The following CPEB3 variants were observed in gnomAD, a reference collection of about 807,000 sequenced individuals.
CPEB3 encodes cytoplasmic polyadenylation element-binding protein 3.
A neutral mutation model predicts 67.2 loss-of-function variants in CPEB3; 20 were observed. That is an observed-to-expected ratio of 0.30 (90% CI 0.21 to 0.43). The LOEUF (loss-of-function observed/expected upper bound fraction) is 0.43, where lower values mean the gene tolerates loss of function less well. Ranked by LOEUF, CPEB3 falls within the 20% of genes least tolerant of loss-of-function variation. The pLI, the probability that CPEB3 is intolerant of heterozygous loss-of-function variation, is 1.00. For synonymous variants in CPEB3, 376 were observed against 393.1 expected (o/e 0.96, Z 0.51); for missense variants, 746 against 968.6 (o/e 0.77, Z 3.05).
At chr10:92,061,437 A>AC (rs1380672239) in intron 9 of CPEB3, among the ~76,000 whole-genome samples, 1 of 120,104 alleles carries the variant, frequency 8.3e-6, no homozygotes. Flanking sequence ...AAAAAAAAAA[A>AC]AAAAAACATA....
intron 1 of CPEB3, among the ~76,000 whole-genome samples, chr10:92,253,415 G>A (rs1344410384): frequency 1.2e-4 from 15 of 125,072 alleles, no homozygotes; most frequent in Admixed American, 9.2e-4. Flanking sequence ...AGCCGAGATC[G>A]CACCACCGCA....
intron 1 of CPEB3, among the ~76,000 whole-genome samples, chr10:92,266,891 G>T (rs563276636): frequency 6.6e-6 from 1 of 152,010 alleles, no homozygotes; most frequent in Non-Finnish European, 1.5e-5. Flanking sequence ...AAAATTAGCC[G>T]GGCGTGGTGG....
At chr10:92,270,160 C>A (rs1853242987) in intron 1 of CPEB3, among the ~76,000 whole-genome samples, 1 of 152,128 alleles carries the variant, frequency 6.6e-6, no homozygotes, top group Admixed American at 6.6e-5. Context: ...TCCTCTATCT[C>A]TTATGGACAT....
chr10:92,193,882 C>T (rs1483137514), intron 2 of CPEB3, among the ~76,000 whole-genome samples: 1 of 151,082 alleles, frequency 6.6e-6, no homozygotes, highest in South Asian at 2.1e-4. Flanking sequence ...CTGCAAGCTC[C>T]GCCTCCTGGG....
At chr10:92,223,567 CTTTT>C (rs903904452) in intron 2 of CPEB3, among the ~76,000 whole-genome samples, 3 of 84,146 alleles carry the variant, frequency 3.6e-5, no homozygotes, top group Non-Finnish European at 7.4e-5. Flanking sequence ...CTAATTATTT[CTTTT>C]TTTTTTTTTT....
At chr10:92,216,383 T>C (rs1346218235) in intron 2 of CPEB3, 5 of 1,611,768 alleles carry the variant, frequency 3.1e-6, no homozygotes, top group Non-Finnish European at 4.2e-6. Context: ...GGCGGAGGTG[T>C]GTTCCGGGGA....
chr10:92,160,993 G>A (rs1360052469), intron 4 of CPEB3, among the ~76,000 whole-genome samples: 3 of 152,040 alleles, frequency 2.0e-5, no homozygotes, highest in Non-Finnish European at 2.9e-5. Context: ...GGGCTCAAGC[G>A]ATTCTCCCAC....
intron 1 of CPEB3, among the ~76,000 whole-genome samples, chr10:92,254,804 A>C (rs1402677842): frequency 6.6e-6 from 1 of 152,014 alleles, no homozygotes; most frequent in Non-Finnish European, 1.5e-5. Flanking sequence ...GACTACCGGC[A>C]TATACCACCA....
chr10:92,216,099 T>A lies in CPEB3; in HGVS notation c.1005+23247A>T, dbSNP rs183470009. On this transcript the variant is annotated intron_variant, in intron 2 of 9. Transcript: ENST00000265997. ...GATATCAGATACTCTCTAAATCCTA[T>A]GAAACCTGAACTAGAACATCAGAAT... Among the ~76,000 whole-genome samples, 1,207 of 148,388 alleles carry A rather than the reference T, an allele frequency of 8.1e-3. 14 individuals carry two copies. Among genetic ancestry groups the A allele is most frequent in the Non-Finnish European group, 0.011 (744 of 67,398 alleles).
intron 3 of CPEB3, among the ~76,000 whole-genome samples, chr10:92,184,765 G>C (rs1029362056): frequency 6.6e-6 from 1 of 152,002 alleles, no homozygotes; most frequent in African/African-American, 2.4e-5. Flanking sequence ...TCTTCCAAAA[G>C]TAATTTTTAG....
intron 7 of CPEB3, among the ~76,000 whole-genome samples, chr10:92,092,681 G>C (rs938983842): frequency 5.3e-5 from 8 of 152,050 alleles, no homozygotes; most frequent in African/African-American, 1.9e-4. Context: ...TCAGGAGGCT[G>C]AGGCATGAGA....
intron 7 of CPEB3, 89 bp from the exon 8 acceptor site, chr10:92,092,033 T>C: frequency 1.2e-6 from 1 of 811,142 alleles, no homozygotes; most frequent in Non-Finnish European, 2.1e-6. Flanking sequence ...CACTGATTTG[T>C]GCATTTCACA....
At chr10:92,122,466 C>A (rs1226802491) in intron 6 of CPEB3, among the ~76,000 whole-genome samples, 1 of 152,192 alleles carries the variant, frequency 6.6e-6, no homozygotes, top group Non-Finnish European at 1.5e-5. Context: ...AACTGGATCT[C>A]TTATTCATTT....
rs1842839115 is a variant in CPEB3 at position 92,290,911 on chromosome 10, G to C, written c.-12+15C>G. ...CAAGAGCGGAGGCAAAAACAAACAG[G>C]CAGGGAGGGCTGACCTTGTTGCTAC... On this transcript the variant is annotated intron_variant, in intron 1 of 9. Coordinates refer to ENST00000265997, the MANE Select transcript of CPEB3 (RefSeq NM_014912.5). 6.5e-6 allele frequency: 1 copy of C among 154,226 alleles called. No individual in the cohort carries two copies. Among genetic ancestry groups the C allele is most frequent in the Admixed American group, 6.5e-5 (1 of 15,282 alleles). 9.6% of individuals were successfully genotyped at this position (154,226 alleles called of 1,614,324 possible). A position where few individuals can be genotyped will look rare whatever the true frequency, so the allele number is the denominator to read the frequency against.
intron 2 of CPEB3, among the ~76,000 whole-genome samples, chr10:92,218,614 C>A (rs1215909681): frequency 6.6e-6 from 1 of 152,170 alleles, no homozygotes; most frequent in East Asian, 1.9e-4. Flanking sequence ...AAAACCATTA[C>A]AAGCATAGAT....
At chr10:92,158,884 A>C (rs1298103854) in intron 4 of CPEB3, among the ~76,000 whole-genome samples, 1 of 152,218 alleles carries the variant, frequency 6.6e-6, no homozygotes, top group Non-Finnish European at 1.5e-5. Flanking sequence ...TGTCAAGCGG[A>C]ATGATTTTCA....
intron 1 of CPEB3, among the ~76,000 whole-genome samples, chr10:92,267,943 C>T (rs999600685): frequency 3.9e-5 from 6 of 152,070 alleles, no homozygotes; most frequent in African/African-American, 1.4e-4. Context: ...CTCCTCCTCC[C>T]GAGTAGCTGG....
Position 92,240,357 on chromosome 10 carries a change from C to G in CPEB3, c.-7G>C. On this transcript the variant is annotated 5_prime_UTR_variant, in exon 2 of 10. Transcript: ENST00000265997. Reference sequence around the variant, plus strand: ...TCAGTAAATCATCCTGCATGGTTTGCGCAGCTGAAACGGGAAAAAAGAGAG... The same window carrying G: ...TCAGTAAATCATCCTGCATGGTTTGGGCAGCTGAAACGGGAAAAAAGAGAG... 1 of 1,444,854 alleles carries G rather than the reference C, an allele frequency of 6.9e-7. No homozygotes were observed. The highest frequency in any genetic ancestry group is 1.4e-5 in the African/African-American group (1 of 69,276). The allele number at this position is 1,444,854 out of a possible 1,614,324, so 89.5% of individuals were successfully genotyped here.
chr10:92,101,124 C>T (rs928875407), intron 7 of CPEB3, among the ~76,000 whole-genome samples: 1 of 152,176 alleles, frequency 6.6e-6, no homozygotes, highest in Admixed American at 6.6e-5. Flanking sequence ...CATCTCAAGG[C>T]AGTTCCAAAT....
Sources: allele counts gnomAD v4.1 joint callset (sites outside exome capture counted in the v4.1 genomes callset), GRCh38; gene constraint gnomAD v4.1.1; transcripts MANE v1.5; gene names NCBI Gene and HGNC (gene_info 2026-07-23, HGNC 2026-07-21).